SWT1: variants seen among roughly 807,000 people sequenced by gnomAD.
SWT1 encodes transcriptional protein SWT1.
In SWT1, 33 loss-of-function variants were observed where a neutral mutation model predicts 107.3. The observed-to-expected ratio is 0.31, with a 90% CI of 0.23 to 0.41. SWT1 has a LOEUF of 0.41. SWT1 is among the 10% of genes least tolerant of loss of function. SWT1 has a pLI of 1.00. For missense variants in SWT1, 898 were observed against 1,028.9 expected (o/e 0.87, Z 1.74); for synonymous variants, 345 against 348.3 (o/e 0.99, Z 0.11).
At chr1:185,179,419 G>A (rs1405471709) in intron 5 of SWT1, among the ~76,000 whole-genome samples, 1 of 152,208 alleles carries the variant, frequency 6.6e-6, no homozygotes, top group Non-Finnish European at 1.5e-5. Flanking sequence ...GTAGGGTCAG[G>A]TAGGTCTCAT....
chr1:185,204,595 A>T, intron 11 of SWT1, 105 bp from the exon 12 acceptor site: 1 of 479,268 alleles, frequency 2.1e-6, no homozygotes, highest in Non-Finnish European at 3.6e-6. Context: ...ATATATAATT[A>T]AAATATATAC....
At chr1:185,262,153 C>T (rs1663062801) in intron 16 of SWT1, 1 of 152,152 alleles carries the variant, frequency 6.6e-6, no homozygotes. Context: ...GAAGAACATT[C>T]ATAAAGTATT....
intron 16 of SWT1, among the ~76,000 whole-genome samples, chr1:185,265,760 C>T (rs765064444): frequency 1.1e-4 from 16 of 152,010 alleles, no homozygotes; most frequent in Non-Finnish European, 1.9e-4. Context: ...AGTGGATGCT[C>T]GATAAATGAT....
At chr1:185,168,512 C>A in intron 4 of SWT1, 114 bp downstream of exon 4, 1 of 448,460 alleles carries the variant, frequency 2.2e-6, no homozygotes, top group Non-Finnish European at 3.7e-6. Flanking sequence ...ATGCAAATAT[C>A]TCTAGCTATA....
chr1:185,214,444 A>G, intron 13 of SWT1, 63 bp from the exon 14 acceptor site: 3 of 1,313,648 alleles, frequency 2.3e-6, no homozygotes, highest in Non-Finnish European at 2.1e-6. Flanking sequence ...TAGTGTTCCA[A>G]AGACATTTTT....
intron 4 of SWT1, among the ~76,000 whole-genome samples, chr1:185,169,943 A>G (rs1477806469): frequency 6.6e-6 from 1 of 152,152 alleles, no homozygotes; most frequent in Non-Finnish European, 1.5e-5. Flanking sequence ...GTGAAGTCTG[A>G]AAGAAACTGC....
chr1:185,263,999 C>A (rs1663207709), intron 16 of SWT1: 1 of 152,210 alleles, frequency 6.6e-6, no homozygotes, highest in African/African-American at 2.4e-5. Context: ...ATGGCTGCAG[C>A]TGATTATCAG....
chr1:185,199,694 A>G lies in SWT1; in HGVS notation c.1524-2960A>G, dbSNP rs1057124551. Among the ~76,000 whole-genome samples, 4 of 151,564 alleles carry G rather than the reference A, an allele frequency of 2.6e-5. No individual in the cohort carries two copies. The East Asian group carries it at 5.8e-4, about 22-fold the overall frequency. ...CCTTAACATTTTTTCCTCCATTTCA[A>G]CCTTGGTGAATGTGACAATTATGTG... On this transcript the variant is annotated intron_variant, in intron 10 of 18. Coordinates refer to ENST00000367500, the MANE Select transcript of SWT1 (RefSeq NM_017673.7).
At chr1:185,250,154 G>A (rs918826699) in intron 16 of SWT1, among the ~76,000 whole-genome samples, 1 of 152,120 alleles carries the variant, frequency 6.6e-6, no homozygotes, top group Non-Finnish European at 1.5e-5. Flanking sequence ...AAAGACTGGT[G>A]TCTCACTCTG....
Position 185,180,165 on chromosome 1 carries a change from C to G in SWT1, c.967-226C>G, listed in dbSNP as rs566629869. ...TGCCATTGCACTCCAGTTTGGGTGA[C>G]AGAGTGAGACCCTGTCTTTAAAAAA... On this transcript the variant is annotated intron_variant, in intron 5 of 18. Coordinates refer to ENST00000367500, the MANE Select transcript of SWT1 (RefSeq NM_017673.7). 4.6e-5 allele frequency among the ~76,000 whole-genome samples: 7 copies of G among 152,136 alleles called. No homozygotes were observed. In the East Asian group the frequency reaches 1.4e-3, roughly 29 times the overall value.
At chr1:185,288,979 T>A (rs1363660732) in intron 18 of SWT1, among the ~76,000 whole-genome samples, 1 of 152,196 alleles carries the variant, frequency 6.6e-6, no homozygotes, top group Non-Finnish European at 1.5e-5. Flanking sequence ...AACATTCCTT[T>A]GGTAACTGCT....
chr1:185,240,863 A>G (rs1661209481), intron 16 of SWT1, among the ~76,000 whole-genome samples: 1 of 152,002 alleles, frequency 6.6e-6, no homozygotes, highest in Non-Finnish European at 1.5e-5. Flanking sequence ...TTTCCTTTTA[A>G]TCTCCTACCC....
chr1:185,228,180 TATATATATAC>T (rs947699931), intron 15 of SWT1, among the ~76,000 whole-genome samples: 32 of 140,656 alleles, frequency 2.3e-4, no homozygotes, highest in African/African-American at 8.9e-4. Flanking sequence ...TATATATATA[TATATATATAC>T]ATATATATAT....
chr1:185,211,980 C>T (rs1337881592), intron 13 of SWT1, among the ~76,000 whole-genome samples: 1 of 152,052 alleles, frequency 6.6e-6, no homozygotes, highest in Non-Finnish European at 1.5e-5. Context: ...ACTACATGTT[C>T]TCACTCATAG....
At chr1:185,176,235 C>CTGATCATG (rs1355417599) in intron 5 of SWT1, among the ~76,000 whole-genome samples, 1 of 127,406 alleles carries the variant, frequency 7.8e-6, no homozygotes, top group Non-Finnish European at 1.6e-5. Flanking sequence ...TTATGGTGAG[C>CTGATCATG]TGATCATGTA....
chr1:185,233,998 C>T (rs539569053), intron 16 of SWT1, among the ~76,000 whole-genome samples: 1 of 152,326 alleles, frequency 6.6e-6, no homozygotes. Flanking sequence ...CCCCCCTCAG[C>T]CTCCCAAAGT....
At chr1:185,216,331 T>C (rs1659213629) in intron 14 of SWT1, among the ~76,000 whole-genome samples, 1 of 152,172 alleles carries the variant, frequency 6.6e-6, no homozygotes, top group Non-Finnish European at 1.5e-5. Context: ...AGCATGAGTA[T>C]TGTACCTTGA....
At position 185,160,711 on chromosome 1, in the gene SWT1, T is replaced by A. The variant is rs536727084; in HGVS notation, c.-9-122T>A. On this transcript the variant is annotated intron_variant, in intron 1 of 18. Coordinates refer to ENST00000367500, the MANE Select transcript of SWT1 (RefSeq NM_017673.7). ...AGCGAGACTCCATCTCAAAAAAAAA[T>A]AAAATAAAATAAAAAGTGATCATAT... The A allele has an allele frequency of 4.6e-5, 32 of 695,476 alleles. 1 individual carries two copies. The highest frequency in any genetic ancestry group is 2.7e-4 in the South Asian group (13 of 48,746). The allele number at this position is 695,476 out of a possible 1,614,324, so 43.1% of individuals were successfully genotyped here.
chr1:185,172,877 C>G (rs1284096789), intron 4 of SWT1, among the ~76,000 whole-genome samples: 1 of 151,920 alleles, frequency 6.6e-6, no homozygotes, highest in Non-Finnish European at 1.5e-5. Context: ...AACCCCGTCT[C>G]TACTAAAATA....
Sources: gnomAD v4.1 joint callset for allele counts (sites outside exome capture counted in the v4.1 genomes callset) on GRCh38, gnomAD v4.1.1 for gene constraint, MANE v1.5 for transcripts, NCBI Gene and HGNC (gene_info 2026-07-23, HGNC 2026-07-21) for gene names.